The following FHIT variants were observed in gnomAD, a reference collection of about 807,000 sequenced individuals.
FHIT encodes bis(5'-adenosyl)-triphosphatase.
In FHIT, 19 loss-of-function variants were observed where a neutral mutation model predicts 17.9. The observed-to-expected ratio is 1.06, with a 90% CI of 0.74 to 1.56. The LOEUF (loss-of-function observed/expected upper bound fraction) is 1.56. Ranked by LOEUF, FHIT falls within the 40% of genes most tolerant of loss-of-function variation. FHIT has a pLI of 0.00. For synonymous variants in FHIT, 81 were observed against 69.7 expected, an observed-to-expected ratio of 1.16 and a Z score of -0.81; for missense variants, 248 against 189.2, an observed-to-expected ratio of 1.31 and a Z score of -1.82.
intron 5 of FHIT, among the ~76,000 whole-genome samples, chr3:60,463,520 G>A (rs532899521): frequency 3.9e-5 from 6 of 152,136 alleles, no homozygotes; most frequent in Admixed American, 6.6e-5. Flanking sequence ...CCTCTCCCCC[G>A]CCATCCTTTC....
At position 60,471,718 on chromosome 3, in the gene FHIT, T is replaced by C. The variant is rs2033096689; in HGVS notation, c.103+65142A>G. ...TTTTGTTCTTATGAAGGTACTTTTT[T>C]GTATGTACAGTTGTTCAATTTGGTG... is the stretch of plus-strand genomic sequence containing the variant. On this transcript the variant is annotated intron_variant, in intron 5 of 9. Transcript: ENST00000492590. Among the ~76,000 whole-genome samples the C allele has an allele frequency of 1.3e-5, 2 of 152,174 alleles. 1 individual carries two copies. The highest frequency in any genetic ancestry group is 4.1e-4 in the South Asian group (2 of 4,830).
chr3:59,949,093 G>A (rs755346893), intron 7 of FHIT, among the ~76,000 whole-genome samples: 5 of 151,994 alleles, frequency 3.3e-5, no homozygotes, highest in Non-Finnish European at 5.9e-5. Flanking sequence ...CCATCTTTAT[G>A]TCCATGAGTA....
chr3:60,008,323 C>A (rs1700001768), intron 7 of FHIT, among the ~76,000 whole-genome samples: 1 of 152,144 alleles, frequency 6.6e-6, no homozygotes, highest in Non-Finnish European at 1.5e-5. Flanking sequence ...CAGGGTTCTA[C>A]TCCTTTTAAA....
chr3:60,585,403 T>G (rs575658622), intron 4 of FHIT, among the ~76,000 whole-genome samples: 1 of 152,058 alleles, frequency 6.6e-6, no homozygotes, highest in Non-Finnish European at 1.5e-5. Context: ...TGTAAAGCTG[T>G]AGTGGTAGTC....
intron 5 of FHIT, among the ~76,000 whole-genome samples, chr3:60,136,057 G>T (rs943575538): frequency 2.6e-5 from 4 of 152,078 alleles, no homozygotes; most frequent in Non-Finnish European, 5.9e-5. Flanking sequence ...TAAACTCCAT[G>T]AGGTCAAGTA....
chr3:60,936,156 A>T (rs1446178684), intron 3 of FHIT, among the ~76,000 whole-genome samples: 1 of 152,192 alleles, frequency 6.6e-6, no homozygotes, highest in East Asian at 1.9e-4. Context: ...AATTTTCTAC[A>T]GAATAAATAT....
At chr3:60,480,241 C>A (rs1296874972) in intron 5 of FHIT, among the ~76,000 whole-genome samples, 1 of 152,136 alleles carries the variant, frequency 6.6e-6, no homozygotes, top group Non-Finnish European at 1.5e-5. Flanking sequence ...ATCATGAGAA[C>A]AGCATGGGGG....
chr3:60,193,718 A>C (rs200599612), intron 5 of FHIT, among the ~76,000 whole-genome samples: 3 of 152,172 alleles, frequency 2.0e-5, no homozygotes, highest in Non-Finnish European at 4.4e-5. Context: ...CTGACCCTGC[A>C]AACAGTTTAG....
intron 4 of FHIT, among the ~76,000 whole-genome samples, chr3:60,596,724 C>A (rs147223353): frequency 6.6e-6 from 1 of 152,234 alleles, no homozygotes; most frequent in East Asian, 1.9e-4. Flanking sequence ...TAGTACTAGA[C>A]ACATCTCAGG....
chr3:60,155,240 G>A (rs1163470374), intron 5 of FHIT, among the ~76,000 whole-genome samples: 1 of 151,198 alleles, frequency 6.6e-6, no homozygotes, highest in East Asian at 1.9e-4. Context: ...GTGTGAAACA[G>A]AAAATCTCAG....
intron 2 of FHIT, among the ~76,000 whole-genome samples, chr3:61,075,060 C>A (rs1575966668): frequency 6.6e-6 from 1 of 152,194 alleles, no homozygotes; most frequent in Admixed American, 6.5e-5. Flanking sequence ...ATGGCAAGCA[C>A]GGAATTGACG....
At chr3:59,838,751 A>G (rs755287635) in intron 8 of FHIT, among the ~76,000 whole-genome samples, 56 of 152,310 alleles carry the variant, frequency 3.7e-4, no homozygotes, top group Non-Finnish European at 6.5e-4. Context: ...AAGGGATAGC[A>G]TGAAACTCAA....
chr3:60,105,293 T>C (rs1211937313), intron 5 of FHIT, among the ~76,000 whole-genome samples: 1 of 152,196 alleles, frequency 6.6e-6, no homozygotes, highest in Non-Finnish European at 1.5e-5. Context: ...TAAGATTTCA[T>C]TGTTACTCTA....
intron 8 of FHIT, among the ~76,000 whole-genome samples, chr3:59,844,124 G>C (rs1701630679): frequency 6.6e-6 from 1 of 152,188 alleles, no homozygotes; most frequent in Middle Eastern, 3.4e-3. Context: ...AACAGATATT[G>C]GCACCATGCT....
At chr3:59,852,966 A>T (rs1702001856) in intron 8 of FHIT, among the ~76,000 whole-genome samples, 3 of 152,182 alleles carry the variant, frequency 2.0e-5, no homozygotes, top group African/African-American at 7.2e-5. Context: ...TTGGCAATTA[A>T]GGATAAGACT....
intron 8 of FHIT, among the ~76,000 whole-genome samples, chr3:59,851,651 T>C (rs1225261156): frequency 6.6e-6 from 1 of 152,198 alleles, no homozygotes; most frequent in African/African-American, 2.4e-5. Flanking sequence ...TCAGGCTTAT[T>C]ACATTCATTC....
chr3:60,469,671 G>A (rs552834955), intron 5 of FHIT, among the ~76,000 whole-genome samples: 107 of 152,032 alleles, frequency 7.0e-4, no homozygotes, highest in Non-Finnish European at 1.5e-3. Context: ...TTAGTTTGGT[G>A]AGGTCATGTT....
intron 2 of FHIT, among the ~76,000 whole-genome samples, chr3:61,191,188 A>G (rs1405623666): frequency 2.0e-5 from 3 of 152,186 alleles, no homozygotes; most frequent in Non-Finnish European, 4.4e-5. Context: ...GGGGTGCCCA[A>G]ACTAAATATT....
chr3:61,137,176 C>G (rs1184264450), intron 2 of FHIT, among the ~76,000 whole-genome samples: 5 of 151,936 alleles, frequency 3.3e-5, no homozygotes, highest in Non-Finnish European at 7.4e-5. Flanking sequence ...CCAAGAACTC[C>G]AGTTTTATAT....
Sources: allele counts gnomAD v4.1 joint callset (sites outside exome capture counted in the v4.1 genomes callset), GRCh38; gene constraint gnomAD v4.1.1; transcripts MANE v1.5; gene names NCBI Gene and HGNC (gene_info 2026-07-23, HGNC 2026-07-21).